The following ZHX2 variants were observed in gnomAD, a reference collection of about 807,000 sequenced individuals.
ZHX2 encodes zinc fingers and homeoboxes 2, also known as zinc fingers and homeoboxes protein 2.
ZHX2 carries 6 observed loss-of-function variants against 21.9 expected under a neutral mutation model. The observed-to-expected ratio is 0.27, with a 90% confidence interval of 0.15 to 0.54. The LOEUF is 0.54. ZHX2 is among the 20% of genes least tolerant of loss of function. ZHX2 has a pLI of 0.95. For synonymous variants in ZHX2, 434 were observed against 437.1 expected, an observed-to-expected ratio of 0.99 and a Z score of 0.09; for missense variants, 908 against 1,090.7, an observed-to-expected ratio of 0.83 and a Z score of 2.36.
intron 3 of ZHX2, among the ~76,000 whole-genome samples, chr8:122,958,825 A>G (rs1389980779): frequency 6.6e-6 from 1 of 152,210 alleles, no homozygotes; most frequent in East Asian, 1.9e-4. Context: ...ATTCAGCAAG[A>G]ACTTTAGAGA....
At position 122,878,028 on chromosome 8, in the gene ZHX2, AG is replaced by A. The variant is rs554746610; in HGVS notation, c.-220+14491del. Among the ~76,000 whole-genome samples the A allele has an allele frequency of 3.3e-5, 5 of 152,280 alleles. No individual in the cohort carries two copies. The East Asian group carries it at 9.6e-4, about 29-fold the overall frequency. On this transcript the variant is annotated intron_variant, in intron 2 of 3. Coordinates refer to ENST00000314393, the MANE Select transcript of ZHX2 (RefSeq NM_014943.5). ...GTAGAGATTTCTGTTCCCTCCTATC[AG>A]GATTTCACTGGGTGGACTAATATGA...
intron 1 of ZHX2, among the ~76,000 whole-genome samples, chr8:122,793,753 G>A (rs767702720): frequency 3.9e-5 from 6 of 152,174 alleles, no homozygotes; most frequent in African/African-American, 9.7e-5. Flanking sequence ...CGTAGATTCC[G>A]CACATGGCTC....
At chr8:122,894,337 G>A (rs1820047206) in intron 2 of ZHX2, among the ~76,000 whole-genome samples, 1 of 152,208 alleles carries the variant, frequency 6.6e-6, no homozygotes. Flanking sequence ...ATGAAACCAT[G>A]AAATAAAGAT....
At position 122,953,361 on chromosome 8, in the gene ZHX2, C is replaced by T. The variant is rs201212470; in HGVS notation, c.1851C>T (p.Leu617=). 3.1e-6 allele frequency: 5 copies of T among 1,614,010 alleles called. No homozygotes were observed. Among genetic ancestry groups the T allele is most frequent in the Non-Finnish European group, 3.4e-6 (4 of 1,180,046 alleles). ...PNGALSRLDQ[L]SGAQLTSSLP... ...GTGCTCTGTCTCGACTCGACCAGCTCTCCGGTGCCCAGTTAACAAGTTCTC... is the reference window on the plus strand; with the variant it reads ...GTGCTCTGTCTCGACTCGACCAGCTTTCCGGTGCCCAGTTAACAAGTTCTC... The change falls in exon 3 of 4, where the codon CTC becomes CTT. Residue 617 remains leucine, a synonymous_variant. Coordinates refer to ENST00000314393, the MANE Select transcript of ZHX2 (RefSeq NM_014943.5). This position sits in a 1 kb window ranked among gnomAD's most constrained non-coding sequence, Gnocchi z 4.6.
At chr8:122,919,299 A>T (rs1168932804) in intron 2 of ZHX2, among the ~76,000 whole-genome samples, 1 of 152,242 alleles carries the variant, frequency 6.6e-6, no homozygotes, top group Non-Finnish European at 1.5e-5. Context: ...CTGGATTCAT[A>T]ATCGGTGCAC....
chr8:122,930,109 T>C (rs1261470776), intron 2 of ZHX2, among the ~76,000 whole-genome samples: 1 of 152,184 alleles, frequency 6.6e-6, no homozygotes, highest in Non-Finnish European at 1.5e-5. Flanking sequence ...CTCAGCAGCC[T>C]CAGGGGAAAA....
intron 1 of ZHX2, among the ~76,000 whole-genome samples, chr8:122,836,462 G>T (rs1403284016): frequency 6.6e-6 from 1 of 152,170 alleles, no homozygotes; most frequent in African/African-American, 2.4e-5. Context: ...CTGACTTAAG[G>T]TTCTTGTATC....
rs16897534 is a variant in ZHX2 at position 122,847,719 on chromosome 8, G to A, written c.-282-15758G>A. 4.4e-3 allele frequency among the ~76,000 whole-genome samples: 673 copies of A among 152,348 alleles called. 7 individuals carry two copies. The highest frequency in any genetic ancestry group is 7.2e-3 in the Non-Finnish European group (491 of 68,030). On this transcript the variant is annotated intron_variant, in intron 1 of 3. Transcript: ENST00000314393. ...GCCCTTTATTCCAAAGCTGGCGCCAGGGCCCAGGGCATCCCAAGTTCCTGG... is the reference window on the plus strand; with the variant it reads ...GCCCTTTATTCCAAAGCTGGCGCCAAGGCCCAGGGCATCCCAAGTTCCTGG...
chr8:122,860,812 G>A (rs577567744), intron 1 of ZHX2, among the ~76,000 whole-genome samples: 2 of 152,126 alleles, frequency 1.3e-5, no homozygotes, highest in South Asian at 4.2e-4. Context: ...GAGGCAAGTG[G>A]ATCATGAGGT....
intron 1 of ZHX2, among the ~76,000 whole-genome samples, chr8:122,844,856 A>G (rs973814848): frequency 6.6e-6 from 1 of 152,268 alleles, no homozygotes; most frequent in Admixed American, 6.5e-5. Context: ...CCTACTGGGC[A>G]TCATTCAACT....
chr8:122,965,998 GGAATAT>G (rs1813577442), intron 3 of ZHX2, among the ~76,000 whole-genome samples: 1 of 152,134 alleles, frequency 6.6e-6, no homozygotes. Flanking sequence ...CCATTTGCAT[GGAATAT>G]CTTTTTCCAC....
At chr8:122,906,784 C>T (rs1291424657) in intron 2 of ZHX2, among the ~76,000 whole-genome samples, 1 of 150,866 alleles carries the variant, frequency 6.6e-6, no homozygotes, top group East Asian at 2.0e-4. Context: ...GATTCTACTG[C>T]CTCAGCCTCC....
chr8:122,867,590 A>G (rs1819330038), intron 2 of ZHX2, among the ~76,000 whole-genome samples: 1 of 152,228 alleles, frequency 6.6e-6, no homozygotes, highest in Non-Finnish European at 1.5e-5. Flanking sequence ...ACTTTGTACT[A>G]GCTGGGAATA....
chr8:122,808,509 G>C (rs1458379799), intron 1 of ZHX2, among the ~76,000 whole-genome samples: 1 of 152,132 alleles, frequency 6.6e-6, no homozygotes, highest in Non-Finnish European at 1.5e-5. Flanking sequence ...TAGCAGCATG[G>C]GGGTAACCGC....
chr8:122,970,468 A>G (rs1178821593), intron 3 of ZHX2, among the ~76,000 whole-genome samples: 1 of 152,024 alleles, frequency 6.6e-6, no homozygotes, highest in Admixed American at 6.5e-5. Flanking sequence ...GCTCTGTGCA[A>G]TGGAAGTGAG....
At chr8:122,800,965 A>G (rs1817708849) in intron 1 of ZHX2, among the ~76,000 whole-genome samples, 1 of 152,250 alleles carries the variant, frequency 6.6e-6, no homozygotes, top group Admixed American at 6.5e-5. Context: ...TCAAAAGTTA[A>G]ATATTTGTTA....
intron 2 of ZHX2, among the ~76,000 whole-genome samples, chr8:122,864,974 G>A (rs1296920836): frequency 6.6e-6 from 1 of 152,158 alleles, no homozygotes; most frequent in African/African-American, 2.4e-5. Flanking sequence ...TCTGTGGGAG[G>A]CCAGAGACGG....
chr8:122,933,365 G>A (rs898090118), intron 2 of ZHX2, among the ~76,000 whole-genome samples: 2 of 151,986 alleles, frequency 1.3e-5, no homozygotes, highest in African/African-American at 4.8e-5. Flanking sequence ...TTAAACATTT[G>A]ATAGTGCCTT....
chr8:122,818,696 G>A (rs958275327), intron 1 of ZHX2, among the ~76,000 whole-genome samples: 2 of 152,216 alleles, frequency 1.3e-5, no homozygotes, highest in Non-Finnish European at 2.9e-5. Flanking sequence ...TCCAGGACGC[G>A]CCCCGTGAGG....
Sources: allele counts gnomAD v4.1 joint callset (sites outside exome capture counted in the v4.1 genomes callset), GRCh38; gene constraint gnomAD v4.1.1; non-coding constraint Gnocchi (gnomAD v3.1); transcripts MANE v1.5; gene names NCBI Gene and HGNC (gene_info 2026-07-23, HGNC 2026-07-21).